The following PLEKHA5 variants were observed in gnomAD, a reference collection of about 807,000 sequenced individuals.
PLEKHA5 encodes the protein pleckstrin homology domain-containing family A member 5.
Under a neutral mutation model 181.9 loss-of-function variants are expected in PLEKHA5, and 55 were observed. The ratio of observed to expected loss-of-function variants is 0.30; its 90% CI spans 0.24 to 0.38. The LOEUF is 0.38. Among genes scored for constraint, PLEKHA5 ranks in the 10% least tolerant of loss-of-function variants. The pLI is 1.00. For synonymous variants in PLEKHA5, 535 were observed against 529.4 expected (o/e 1.01, Z -0.15); for missense variants, 1,432 against 1,549.5 (o/e 0.92, Z 1.27).
chr12:19,353,191 T>C (rs1161417376), intron 25 of PLEKHA5, among the ~76,000 whole-genome samples: 2 of 152,152 alleles, frequency 1.3e-5, no homozygotes, highest in African/African-American at 2.4e-5. Context: ...GTCTTCTCTG[T>C]CACCCAGGCT....
At chr12:19,227,474 A>G (rs891093458) in intron 3 of PLEKHA5, among the ~76,000 whole-genome samples, 8 of 152,188 alleles carry the variant, frequency 5.3e-5, no homozygotes, top group Non-Finnish European at 7.3e-5. Flanking sequence ...AGTCCCAGAG[A>G]TAAGTATTCC....
At chr12:19,236,237 G>A (rs897309353) in intron 3 of PLEKHA5, among the ~76,000 whole-genome samples, 3 of 152,176 alleles carry the variant, frequency 2.0e-5, no homozygotes, top group Non-Finnish European at 4.4e-5. Flanking sequence ...GTATACGTTG[G>A]TAATCAAATG....
Position 19,283,433 on chromosome 12 carries a change from A to G in PLEKHA5, c.1467A>G (p.Thr489=), listed in dbSNP as rs376638119. The G allele has an allele frequency of 6.2e-7, 1 of 1,614,146 alleles. No homozygotes were observed. The highest frequency in any genetic ancestry group is 1.3e-5 in the African/African-American group (1 of 75,028). The change falls in exon 12 of 32, where the codon ACA becomes ACG. Residue 489 remains threonine, a synonymous_variant. Coordinates refer to ENST00000429027, the MANE Select transcript of PLEKHA5 (RefSeq NM_001256470.2). ...CSVTPSTHDK[T]LGPGAEEKRR... ...TAACCCCTTCCACTCATGACAAGAC[A>G]TTAGGACCCGGAGCGGAGGAGAAAC... is the stretch of plus-strand genomic sequence containing the variant.
chr12:19,201,929 C>A, intron 3 of PLEKHA5: 1 of 318,136 alleles, frequency 3.1e-6, no homozygotes, highest in Non-Finnish European at 4.5e-6. Flanking sequence ...CTGAACTGTA[C>A]ACTTAACCAT....
At chr12:19,244,194 T>C (rs1477018881) in intron 3 of PLEKHA5, among the ~76,000 whole-genome samples, 2 of 152,232 alleles carry the variant, frequency 1.3e-5, no homozygotes, top group Non-Finnish European at 2.9e-5. Flanking sequence ...TACAAGACAC[T>C]GTGTGATTTC....
At chr12:19,315,034 C>A (rs563436146) in intron 16 of PLEKHA5, 140 bp downstream of exon 16, 1 of 622,878 alleles carries the variant, frequency 1.6e-6, no homozygotes, top group African/African-American at 1.8e-5. Flanking sequence ...TGGAAAACCA[C>A]AATTCATCCA....
chr12:19,342,479 A>G (rs1274780458), intron 21 of PLEKHA5, among the ~76,000 whole-genome samples: 1 of 152,144 alleles, frequency 6.6e-6, no homozygotes, highest in Non-Finnish European at 1.5e-5. Context: ...CAACATGGTG[A>G]AACCCCATCT....
At chr12:19,247,186 C>G (rs901627331) in intron 3 of PLEKHA5, among the ~76,000 whole-genome samples, 3 of 152,152 alleles carry the variant, frequency 2.0e-5, no homozygotes, top group Non-Finnish European at 4.4e-5. Flanking sequence ...CAGCTTCCCC[C>G]GTTTTCAGAG....
intron 3 of PLEKHA5, among the ~76,000 whole-genome samples, chr12:19,161,508 C>A (rs1353986186): frequency 6.6e-6 from 1 of 152,186 alleles, no homozygotes; most frequent in East Asian, 1.9e-4. Flanking sequence ...CTCTCCCACC[C>A]CATCTCCGTG....
intron 3 of PLEKHA5, among the ~76,000 whole-genome samples, chr12:19,242,152 G>A (rs2062744985): frequency 6.6e-6 from 1 of 152,136 alleles, no homozygotes; most frequent in African/African-American, 2.4e-5. Flanking sequence ...CTAGCATGGT[G>A]TTAATTGAAT....
intron 29 of PLEKHA5, among the ~76,000 whole-genome samples, chr12:19,365,365 C>CAA (rs71064098): frequency 8.3e-5 from 7 of 84,068 alleles, no homozygotes; most frequent in South Asian, 3.8e-4. Context: ...GACTCCGTCT[C>CAA]AAAAAAAAAA....
chr12:19,374,381 C>T (rs969125945), intron 31 of PLEKHA5, among the ~76,000 whole-genome samples: 4 of 152,054 alleles, frequency 2.6e-5, no homozygotes, highest in South Asian at 2.1e-4. Flanking sequence ...TTATGTTGGC[C>T]GGGCACAGTG....
At chr12:19,183,190 AAT>A (rs979322697) in intron 3 of PLEKHA5, among the ~76,000 whole-genome samples, 1 of 152,204 alleles carries the variant, frequency 6.6e-6, no homozygotes, top group Non-Finnish European at 1.5e-5. Context: ...ATGAAAAGGA[AAT>A]ATTATTGTAT....
At chr12:19,326,573 T>G (rs2092126032) in intron 20 of PLEKHA5, among the ~76,000 whole-genome samples, 1 of 152,186 alleles carries the variant, frequency 6.6e-6, no homozygotes, top group Non-Finnish European at 1.5e-5. Context: ...CCTATACTTT[T>G]TATTTATTTT....
chr12:19,177,157 C>G (rs1239982910), intron 3 of PLEKHA5, among the ~76,000 whole-genome samples: 1 of 152,112 alleles, frequency 6.6e-6, no homozygotes, highest in Non-Finnish European at 1.5e-5. Context: ...TGAGCCACCA[C>G]GCAGGGCCCA....
At position 19,274,916 on chromosome 12, in the gene PLEKHA5, T is replaced by C. The variant is rs2074075167; in HGVS notation, c.1246T>C (p.Ser416Pro). The change falls in exon 11 of 32, where the codon TCA (serine) becomes CCA (proline). Residue 416 changes from serine (S) to proline (P), a missense_variant. By Grantham distance (74) the Ser-to-Pro change is moderately conservative. Around this residue, in one of 2 missense-constraint regions of PLEKHA5, gnomAD observed 1,143 missense variants for 1,168.4 expected, o/e 0.98. Coordinates refer to ENST00000429027, the MANE Select transcript of PLEKHA5 (RefSeq NM_001256470.2). The stretch of plus-strand genomic sequence containing the variant: ...CGATCGAGTCATACAGAGAACAAAT[T>C]CAATGCAGCAGTTGGAACAGTGGAT... ...EADRVIQRTN[S>P]MQQLEQWIKI... 2 of 1,613,708 alleles carry C rather than the reference T, an allele frequency of 1.2e-6. No individual in the cohort carries two copies. The highest frequency in any genetic ancestry group is 4.5e-5 in the East Asian group (2 of 44,856).
chr12:19,197,055 C>T lies in PLEKHA5; in HGVS notation c.228-56885C>T, dbSNP rs75387956. Among the ~76,000 whole-genome samples, 314 of 152,224 alleles carry T rather than the reference C, an allele frequency of 2.1e-3. 1 individual carries two copies. The highest frequency in any genetic ancestry group is 7.3e-3 in the African/African-American group (302 of 41,556). On this transcript the variant is annotated intron_variant, in intron 3 of 31. Transcript: ENST00000429027. ...CATCTGTACTTCCTCCCCTGCCCTT[C>T]TGTAGAGGTAGCTCTCTTCCCCACT...
At chr12:19,206,974 G>A (rs1359632624) in intron 3 of PLEKHA5, among the ~76,000 whole-genome samples, 1 of 152,098 alleles carries the variant, frequency 6.6e-6, no homozygotes, top group Non-Finnish European at 1.5e-5. Flanking sequence ...GATTCATGAG[G>A]GGATAAGTCA....
At chr12:19,340,418 G>A (rs372442673) in intron 21 of PLEKHA5, among the ~76,000 whole-genome samples, 605 of 75,214 alleles carry the variant, frequency 8.0e-3, no homozygotes, top group Non-Finnish European at 0.012. Context: ...GGTGAGGGGC[G>A]CCTCTGCCCG....
Sources: allele counts gnomAD v4.1 joint callset (sites outside exome capture counted in the v4.1 genomes callset), GRCh38; gene constraint gnomAD v4.1.1; regional missense constraint gnomAD v4.1.1; transcripts MANE v1.5; gene names NCBI Gene and HGNC (gene_info 2026-07-23, HGNC 2026-07-21).